Variants in ACSS3 observed in about 807,000 individuals in gnomAD.
The protein encoded by ACSS3 is acyl-CoA synthetase short chain family member 3.
A neutral mutation model predicts 84.2 loss-of-function variants in ACSS3; 64 were observed. That is an observed-to-expected ratio of 0.76 (90% confidence interval 0.62 to 0.94). ACSS3 has a LOEUF of 0.94. ACSS3 is among the 40% of genes least tolerant of loss of function. The pLI, the probability that ACSS3 is intolerant of heterozygous loss-of-function variation, is 0.00. For missense variants in ACSS3, 815 were observed against 867.6 expected, an observed-to-expected ratio of 0.94 and a Z score of 0.76; for synonymous variants, 317 against 310.1, an observed-to-expected ratio of 1.02 and a Z score of -0.23.
chr12:81,159,488 G>C (rs148249696), intron 7 of ACSS3, among the ~76,000 whole-genome samples: 1 of 152,246 alleles, frequency 6.6e-6, no homozygotes, highest in East Asian at 1.9e-4. Flanking sequence ...AGTATGAGAT[G>C]TTTAAAGTAT....
intron 4 of ACSS3, among the ~76,000 whole-genome samples, chr12:81,140,802 A>G (rs1886056860): frequency 6.6e-6 from 1 of 152,200 alleles, no homozygotes. Context: ...TGCATATGTG[A>G]GTATATGTGT....
chr12:81,251,668 C>CAAAAAAAAAAAAAAAAAAAAAAAAAA (rs71098134), intron 13 of ACSS3, among the ~76,000 whole-genome samples: 3 of 87,852 alleles, frequency 3.4e-5, no homozygotes, highest in African/African-American at 8.0e-5. Context: ...CCCATCTCTA[C>CAAAAAAAAAAAAAAAAAAAAAAAAAA]AAAAAAAAAA....
intron 1 of ACSS3, among the ~76,000 whole-genome samples, chr12:81,106,696 A>C (rs1883034007): frequency 6.6e-6 from 1 of 152,200 alleles, no homozygotes; most frequent in Non-Finnish European, 1.5e-5. Flanking sequence ...TGACATATTT[A>C]CATAATATTT....
chr12:81,145,173 C>T (rs1265852938), intron 5 of ACSS3, among the ~76,000 whole-genome samples: 1 of 151,176 alleles, frequency 6.6e-6, no homozygotes, highest in Non-Finnish European at 1.5e-5. Flanking sequence ...GCCTCGGCCT[C>T]CCAAAGTGCT....
chr12:81,232,053 G>GA (rs1292018922), intron 12 of ACSS3, among the ~76,000 whole-genome samples: 1 of 151,780 alleles, frequency 6.6e-6, no homozygotes, highest in East Asian at 1.9e-4. Context: ...GCTTTCTTTA[G>GA]AAAGAAATTG....
chr12:81,098,524 A>G (rs1289437004), intron 1 of ACSS3, among the ~76,000 whole-genome samples: 1 of 152,124 alleles, frequency 6.6e-6, no homozygotes, highest in African/African-American at 2.4e-5. Flanking sequence ...CCAAAATCCT[A>G]TTGATGATGT....
At position 81,078,336 on chromosome 12, in the gene ACSS3, C is replaced by T. The variant is rs1483696450; in HGVS notation, c.216C>T (p.Asp72=). 2 of 1,612,496 alleles carry T rather than the reference C, an allele frequency of 1.2e-6. No individual in the cohort carries two copies. Among genetic ancestry groups the T allele is most frequent in the African/African-American group, 2.7e-5 (2 of 74,896 alleles). Residue 72 remains aspartate, a synonymous_variant, in exon 1 of 16, where the codon GAC becomes GAT. Transcript: ENST00000548058. ...CCCACTTCGCAGCCTCGGTGACCGA[C>T]CCCGAGAGGTTCTGGGGCAAAGCTG... ...YKTHFAASVT[D]PERFWGKAAE...
At chr12:81,183,246 G>A (rs183573930) in intron 8 of ACSS3, among the ~76,000 whole-genome samples, 57 of 152,264 alleles carry the variant, frequency 3.7e-4, no homozygotes, top group African/African-American at 1.3e-3. Flanking sequence ...GCAAACAGCC[G>A]GAGCCTTTGC....
intron 8 of ACSS3, among the ~76,000 whole-genome samples, chr12:81,182,582 A>G (rs2031007787): frequency 6.6e-6 from 1 of 152,212 alleles, no homozygotes; most frequent in South Asian, 2.1e-4. Flanking sequence ...AAAGATGCAT[A>G]TTTTGACATC....
At chr12:81,221,579 T>C (rs926492442) in intron 11 of ACSS3, among the ~76,000 whole-genome samples, 4 of 152,114 alleles carry the variant, frequency 2.6e-5, no homozygotes, top group Non-Finnish European at 5.9e-5. Context: ...ATGTAAGCAC[T>C]ATATTACTTT....
At chr12:81,196,363 A>G (rs1164004040) in intron 8 of ACSS3, among the ~76,000 whole-genome samples, 3 of 152,178 alleles carry the variant, frequency 2.0e-5, no homozygotes, top group Non-Finnish European at 4.4e-5. Context: ...GGTATTTAAA[A>G]AAGACTGGAA....
intron 8 of ACSS3, among the ~76,000 whole-genome samples, chr12:81,194,076 T>C (rs2031707913): frequency 6.7e-6 from 1 of 149,540 alleles, no homozygotes. Flanking sequence ...AGGTTACTAT[T>C]TTTTTTTTAT....
At chr12:81,211,263 A>G (rs934176845) in intron 9 of ACSS3, among the ~76,000 whole-genome samples, 11 of 151,856 alleles carry the variant, frequency 7.2e-5, no homozygotes, top group South Asian at 4.2e-4. Flanking sequence ...TGCAGTCAGG[A>G]GCCTCTTTTT....
intron 8 of ACSS3, among the ~76,000 whole-genome samples, chr12:81,194,282 T>C (rs1565714032): frequency 6.6e-6 from 1 of 151,882 alleles, no homozygotes; most frequent in Non-Finnish European, 1.5e-5. Context: ...TATTATATTG[T>C]TTCATTAATT....
chr12:81,217,697 G>A (rs1454080108), intron 10 of ACSS3, among the ~76,000 whole-genome samples: 1 of 152,010 alleles, frequency 6.6e-6, no homozygotes, highest in Admixed American at 6.6e-5. Context: ...ACAAAAATTA[G>A]CCGGGTGTGG....
intron 13 of ACSS3, among the ~76,000 whole-genome samples, chr12:81,239,197 C>T (rs1289306501): frequency 1.3e-5 from 2 of 151,658 alleles, no homozygotes; most frequent in African/African-American, 4.8e-5. Context: ...TAGTTTAATT[C>T]CATTATTACC....
At chr12:81,093,445 A>T (rs976970285) in intron 1 of ACSS3, among the ~76,000 whole-genome samples, 1 of 147,282 alleles carries the variant, frequency 6.8e-6, no homozygotes, top group African/African-American at 2.5e-5. Flanking sequence ...ACAGAGCGAC[A>T]CTCTGTCCCC....
rs144154665 is a variant in ACSS3 at position 81,099,463 on chromosome 12, T to C, written c.312-10097T>C. 7.4e-3 allele frequency among the ~76,000 whole-genome samples: 1,127 copies of C among 152,306 alleles called. 18 individuals carry two copies. The highest frequency in any genetic ancestry group is 0.026 in the African/African-American group (1,096 of 41,558). On this transcript the variant is annotated intron_variant, in intron 1 of 15. Transcript: ENST00000548058. ...GTTGCAACATTATGACAACTAAATA[T>C]GGTTGTGTTGGAGGAAGCTTTCAAC...
At chr12:81,189,373 A>G (rs561484722) in intron 8 of ACSS3, among the ~76,000 whole-genome samples, 2 of 152,166 alleles carry the variant, frequency 1.3e-5, no homozygotes, top group African/African-American at 4.8e-5. Context: ...TGATATTTTC[A>G]GTATTTTAAA....
Sources: allele counts gnomAD v4.1 joint callset (sites outside exome capture counted in the v4.1 genomes callset), GRCh38; gene constraint gnomAD v4.1.1; transcripts MANE v1.5; gene names NCBI Gene and HGNC (gene_info 2026-07-23, HGNC 2026-07-21).